The following ATRN variants were observed in gnomAD, a reference collection of about 807,000 sequenced individuals.
ATRN encodes the protein attractin-2.
In ATRN, 54 loss-of-function variants were observed where a neutral mutation model predicts 178.7. That is an observed-to-expected ratio of 0.30 (90% CI 0.24 to 0.38). ATRN has a LOEUF of 0.38. Ranked by LOEUF, ATRN falls within the 10% of genes least tolerant of loss-of-function variation. ATRN has a pLI of 1.00. For synonymous variants in ATRN, 636 were observed against 663.0 expected, an observed-to-expected ratio of 0.96 and a Z score of 0.63; for missense variants, 1,443 against 1,815.1, an observed-to-expected ratio of 0.79 and a Z score of 3.73.
At chr20:3,493,202 G>C (rs1298101525) in intron 1 of ATRN, among the ~76,000 whole-genome samples, 2 of 150,820 alleles carry the variant, frequency 1.3e-5, no homozygotes, top group Non-Finnish European at 2.9e-5. Context: ...CACCAGGCTG[G>C]AGTGCAGTGG....
chr20:3,597,667 G>A (rs767950505), intron 21 of ATRN, among the ~76,000 whole-genome samples: 7 of 152,150 alleles, frequency 4.6e-5, no homozygotes, highest in Non-Finnish European at 8.8e-5. Context: ...AATTATGGAC[G>A]TTACTTGATA....
intron 1 of ATRN, among the ~76,000 whole-genome samples, chr20:3,472,051 C>T (rs1244219669): frequency 6.6e-6 from 1 of 152,046 alleles, no homozygotes; most frequent in Non-Finnish European, 1.5e-5. Flanking sequence ...GACCAGTGGT[C>T]CTTCTAAAGG....
chr20:3,523,193 A>G (rs2085319323), intron 1 of ATRN, among the ~76,000 whole-genome samples: 1 of 152,022 alleles, frequency 6.6e-6, no homozygotes, highest in Non-Finnish European at 1.5e-5. Flanking sequence ...ATTGCTAACT[A>G]GAATAACCAG....
chr20:3,485,272 A>G (rs2084674769), intron 1 of ATRN, among the ~76,000 whole-genome samples: 1 of 152,082 alleles, frequency 6.6e-6, no homozygotes, highest in East Asian at 1.9e-4. Flanking sequence ...TGCTGCCAAT[A>G]AGTTGTGACA....
intron 7 of ATRN, among the ~76,000 whole-genome samples, chr20:3,560,071 G>C (rs946192582): frequency 1.3e-5 from 2 of 150,982 alleles, no homozygotes; most frequent in Non-Finnish European, 2.9e-5. Context: ...GTATATAATG[G>C]TACCATCTTT....
intron 1 of ATRN, among the ~76,000 whole-genome samples, chr20:3,494,312 A>G (rs976854228): frequency 6.6e-6 from 1 of 152,140 alleles, no homozygotes; most frequent in Admixed American, 6.5e-5. Context: ...CAGTAGGGGT[A>G]AGTTGGGGTT....
intron 11 of ATRN, among the ~76,000 whole-genome samples, chr20:3,568,563 T>C (rs1266799792): frequency 1.3e-5 from 2 of 152,202 alleles, no homozygotes; most frequent in Non-Finnish European, 2.9e-5. Flanking sequence ...CACAACTCTA[T>C]AAAGTAACTA....
intron 3 of ATRN, among the ~76,000 whole-genome samples, chr20:3,542,275 A>G (rs911435208): frequency 1.3e-5 from 2 of 152,190 alleles, no homozygotes; most frequent in East Asian, 3.9e-4. Context: ...TGTGTTTGTT[A>G]ATCAGAATTC....
At chr20:3,489,966 C>T (rs954491560) in intron 1 of ATRN, 16 of 1,025,900 alleles carry the variant, frequency 1.6e-5, no homozygotes, top group Admixed American at 6.8e-5. Context: ...TTGCTCTTCT[C>T]CTGTCCTTGC....
chr20:3,612,929 G>A (rs1168295028), intron 24 of ATRN, among the ~76,000 whole-genome samples: 1 of 152,134 alleles, frequency 6.6e-6, no homozygotes, highest in Non-Finnish European at 1.5e-5. Flanking sequence ...CATACTTGTT[G>A]CCAATGCCGA....
At chr20:3,560,514 G>A (rs906352982) in intron 7 of ATRN, 148 bp from the exon 8 acceptor site, 17 of 666,328 alleles carry the variant, frequency 2.6e-5, no homozygotes, top group South Asian at 1.8e-4. Flanking sequence ...ACCCAGTATC[G>A]AAATTGTTGG....
intron 1 of ATRN, among the ~76,000 whole-genome samples, chr20:3,478,286 C>T (rs145460881): frequency 4.5e-4 from 69 of 152,258 alleles, no homozygotes; most frequent in Admixed American, 1.2e-3. Context: ...ATAGCAAAGA[C>T]TTGGAACCAA....
intron 1 of ATRN, among the ~76,000 whole-genome samples, chr20:3,509,713 A>C (rs2085099136): frequency 6.6e-6 from 1 of 152,160 alleles, no homozygotes; most frequent in Non-Finnish European, 1.5e-5. Flanking sequence ...CACGTTGGCC[A>C]GGCTGGTCTT....
intron 1 of ATRN, among the ~76,000 whole-genome samples, chr20:3,515,809 G>A (rs187332701): frequency 1.2e-3 from 186 of 152,300 alleles, no homozygotes; most frequent in Non-Finnish European, 1.9e-3. Flanking sequence ...GTTTGGTCTG[G>A]TGATGCCCTT....
intron 25 of ATRN, 39 bp downstream of exon 25, chr20:3,624,611 T>C: frequency 1.4e-6 from 2 of 1,471,830 alleles, no homozygotes; most frequent in Non-Finnish European, 1.9e-6. Flanking sequence ...TTCTTTTGAT[T>C]TAGGCACTAG....
intron 1 of ATRN, among the ~76,000 whole-genome samples, chr20:3,485,894 A>G (rs895132788): frequency 4.6e-5 from 7 of 152,070 alleles, no homozygotes; most frequent in Non-Finnish European, 1.0e-4. Flanking sequence ...TGCTGGGATT[A>G]CAGGCATAAG....
intron 23 of ATRN, among the ~76,000 whole-genome samples, chr20:3,603,270 G>C (rs76015656): frequency 3.7e-3 from 562 of 152,262 alleles, no homozygotes; most frequent in Non-Finnish European, 6.4e-3. Context: ...GCAGTGAGCG[G>C]TACATCAGCA....
chr20:3,538,686 TC>T (rs1294485684), intron 2 of ATRN, among the ~76,000 whole-genome samples: 1 of 152,164 alleles, frequency 6.6e-6, no homozygotes. Context: ...CTTTGGAATG[TC>T]TCCCCAATCC....
At chr20:3,626,781 C>CTTTTTTTT (rs33999405) in intron 25 of ATRN, among the ~76,000 whole-genome samples, 1 of 118,172 alleles carries the variant, frequency 8.5e-6, no homozygotes, top group Non-Finnish European at 1.7e-5. Context: ...TGAATTATTT[C>CTTTTTTTT]TTTTTTTTTT....
Sources: allele counts gnomAD v4.1 joint callset (sites outside exome capture counted in the v4.1 genomes callset), GRCh38; gene constraint gnomAD v4.1.1; transcripts MANE v1.5; gene names NCBI Gene and HGNC (gene_info 2026-07-23, HGNC 2026-07-21).